CCDC57: variants seen among roughly 807,000 people sequenced by gnomAD.
The protein encoded by CCDC57 is coiled-coil domain containing 57, also known as coiled-coil domain-containing protein 57.
CCDC57 carries 118 observed loss-of-function variants against 118.9 expected under a neutral mutation model. The ratio of observed to expected loss-of-function variants is 0.99; its 90% CI spans 0.86 to 1.16. The LOEUF (loss-of-function observed/expected upper bound fraction) is 1.16. CCDC57 is among the 50% of genes most tolerant of loss of function. CCDC57 has a pLI of 0.00. For missense variants in CCDC57, 1,300 were observed against 1,320.7 expected (o/e 0.98, Z 0.24); for synonymous variants, 527 against 532.9 (o/e 0.99, Z 0.15).
intron 13 of CCDC57, among the ~76,000 whole-genome samples, chr17:82,168,393 G>A (rs1371097356): frequency 6.6e-6 from 1 of 152,154 alleles, no homozygotes; most frequent in Non-Finnish European, 1.5e-5. Flanking sequence ...CCAGAAGTTC[G>A]AGACCAGCCT....
chr17:82,205,501 C>T (rs970388348), intron 2 of CCDC57, among the ~76,000 whole-genome samples: 2 of 152,246 alleles, frequency 1.3e-5, no homozygotes, highest in Non-Finnish European at 2.9e-5. Flanking sequence ...GCCCAGCCTG[C>T]GTGGCTCCAG....
At position 82,179,939 on chromosome 17, in the gene CCDC57, T is replaced by C. The variant is rs1201928194; in HGVS notation, c.1212-750A>G. Among the ~76,000 whole-genome samples, 5 of 152,300 alleles carry C rather than the reference T, an allele frequency of 3.3e-5. No individual in the cohort carries two copies. The East Asian group carries it at 7.7e-4, about 23-fold the overall frequency. The stretch of plus-strand genomic sequence containing the variant: ...CCAGCAACTCTGGGACAGAAGGCCA[T>C]GGGGCCACACACTGGGGGCAGAATT... On this transcript the variant is annotated intron_variant, in intron 9 of 19. Transcript: ENST00000665763.
chr17:82,155,008 C>T (rs2042512290), intron 15 of CCDC57: 1 of 152,286 alleles, frequency 6.6e-6, no homozygotes, highest in African/African-American at 2.4e-5. Flanking sequence ...CCTGAGGTCT[C>T]CTCATGCATA....
chr17:82,107,634 GAGA>G (rs770024043), intron 19 of CCDC57: 8 of 468,898 alleles, frequency 1.7e-5, no homozygotes, highest in South Asian at 7.7e-5. Flanking sequence ...GTTGTGACAG[GAGA>G]AGGAGGGCAG....
At chr17:82,135,346 C>G (rs1474435170) in intron 16 of CCDC57, 1 of 152,204 alleles carries the variant, frequency 6.6e-6, no homozygotes, top group Non-Finnish European at 1.5e-5. Context: ...AGGTGATCTG[C>G]CCGCCTTGGC....
intron 11 of CCDC57, among the ~76,000 whole-genome samples, chr17:82,174,387 C>T (rs1444982285): frequency 6.6e-6 from 1 of 152,210 alleles, no homozygotes; most frequent in Non-Finnish European, 1.5e-5. Context: ...CTCTAACTCG[C>T]TACTTTAAAT....
chr17:82,109,264 G>A (rs1165325669), intron 19 of CCDC57, among the ~76,000 whole-genome samples: 1 of 152,238 alleles, frequency 6.6e-6, no homozygotes, highest in African/African-American at 2.4e-5. Flanking sequence ...CTGGGGTGGC[G>A]CAGAGCGGGG....
intron 2 of CCDC57, among the ~76,000 whole-genome samples, chr17:82,203,007 T>G (rs1433174455): frequency 3.3e-5 from 5 of 152,224 alleles, no homozygotes; most frequent in Admixed American, 3.3e-4. Context: ...TGATATGGTT[T>G]CGATATTTAT....
At chr17:82,109,270 C>T (rs1449232313) in intron 19 of CCDC57, among the ~76,000 whole-genome samples, 2 of 152,202 alleles carry the variant, frequency 1.3e-5, no homozygotes, top group Non-Finnish European at 2.9e-5. Context: ...TGGCGCAGAG[C>T]GGGGCGTGTG....
chr17:82,112,178 T>C (rs2144934199), intron 19 of CCDC57: 1 of 152,374 alleles, frequency 6.6e-6, no homozygotes, highest in Non-Finnish European at 1.5e-5. Context: ...TTTACCAAGT[T>C]GACCAGGCTG....
intron 19 of CCDC57, among the ~76,000 whole-genome samples, chr17:82,126,110 G>A (rs947177468): frequency 5.3e-5 from 8 of 151,962 alleles, no homozygotes; most frequent in South Asian, 2.1e-4. Context: ...GTGAAACCCC[G>A]TCTCTACTAA....
At chr17:82,119,227 T>C (rs994125576) in intron 19 of CCDC57, among the ~76,000 whole-genome samples, 1 of 152,118 alleles carries the variant, frequency 6.6e-6, no homozygotes, top group Non-Finnish European at 1.5e-5. Flanking sequence ...ATTTAATGCT[T>C]CCATCCAGGA....
At chr17:82,119,091 T>TGGGGGG (rs1407967396) in intron 19 of CCDC57, among the ~76,000 whole-genome samples, 1 of 10,864 alleles carries the variant, frequency 9.2e-5, no homozygotes, top group African/African-American at 4.2e-4. Context: ...GGGCGGGAGG[T>TGGGGGG]GGGGGCGGGG....
intron 8 of CCDC57, among the ~76,000 whole-genome samples, chr17:82,186,005 C>T (rs1051671638): frequency 1.3e-5 from 2 of 152,104 alleles, no homozygotes; most frequent in Non-Finnish European, 2.9e-5. Context: ...ACCTGTCTAA[C>T]TTTTCTTTGG....
chr17:82,194,922 G>A (rs983471555), intron 5 of CCDC57, among the ~76,000 whole-genome samples: 5 of 152,248 alleles, frequency 3.3e-5, no homozygotes, highest in African/African-American at 7.2e-5. Context: ...ACCGGGCTGC[G>A]CCCGGCATGG....
intron 16 of CCDC57, among the ~76,000 whole-genome samples, chr17:82,147,914 G>A (rs2041043721): frequency 1.3e-5 from 1 of 76,504 alleles, no homozygotes. Flanking sequence ...GTGGGTGGAT[G>A]GATGGTAGAT....
intron 13 of CCDC57, among the ~76,000 whole-genome samples, chr17:82,167,353 CTTT>C (rs922771936): frequency 1.4e-5 from 2 of 140,568 alleles, no homozygotes. Context: ...GACAAAAATT[CTTT>C]TTTTTTTTTT....
Position 82,128,591 on chromosome 17 carries a change from T to A in CCDC57, c.2584A>T (p.Lys862Ter). The A allele has an allele frequency of 6.4e-7, 1 of 1,561,824 alleles. No homozygotes were observed. The highest frequency in any genetic ancestry group is 8.7e-7 in the Non-Finnish European group (1 of 1,152,078). ...GAAGGAGCCTCATCCTCGGCACTCT[T>A]GGCGTCCTGCCGTGGGGATTTAAAT... Residue 862 changes from lysine (K) to a stop codon, truncating the protein, a stop_gained, in exon 18 of 20, where the codon AAG (lysine) becomes TAG (stop). Transcript: ENST00000665763. LOFTEE classifies it high-confidence loss of function.
At position 82,118,369 on chromosome 17, in the gene CCDC57, C is replaced by T. The variant is rs1419969294; in HGVS notation, c.2899+9323G>A. 6.6e-6 allele frequency among the ~76,000 whole-genome samples: 1 copy of T among 152,098 alleles called. No homozygotes were observed. The highest frequency in any genetic ancestry group is 1.5e-5 in the Non-Finnish European group (1 of 68,026). ...ACCCGATGTGGGTGTTATCCATTAG[C>T]GCAGGACTGAAACCTGATGTGTTAT... On this transcript the variant is annotated intron_variant, in intron 19 of 19. Coordinates refer to ENST00000665763, the Ensembl canonical transcript of CCDC57. This position sits in a 1 kb window ranked among gnomAD's most constrained non-coding sequence, Gnocchi z 4.7.
Sources: allele counts gnomAD v4.1 joint callset (sites outside exome capture counted in the v4.1 genomes callset), GRCh38; gene constraint gnomAD v4.1.1; non-coding constraint Gnocchi (gnomAD v3.1); transcripts MANE v1.5; gene names NCBI Gene and HGNC (gene_info 2026-07-23, HGNC 2026-07-21).